Variants in PCDHA8 observed in about 807,000 individuals in gnomAD.
PCDHA8 encodes the protein protocadherin alpha-8.
A neutral mutation model predicts 61.8 loss-of-function variants in PCDHA8; 53 were observed. That is an observed-to-expected ratio of 0.86 (90% CI 0.69 to 1.08). The LOEUF (loss-of-function observed/expected upper bound fraction) is 1.08, where lower values mean the gene tolerates loss of function less well. Ranked by LOEUF, PCDHA8 falls within the 50% of genes least tolerant of loss-of-function variation. PCDHA8 has a pLI of 0.00. For missense variants in PCDHA8, 1,293 were observed against 1,245.0 expected (o/e 1.04, Z -0.58); for synonymous variants, 618 against 556.6 (o/e 1.11, Z -1.55).
chr5:140,980,360 G>A (rs1173525969), intron 2 of PCDHA8, among the ~76,000 whole-genome samples: 4 of 152,142 alleles, frequency 2.6e-5, no homozygotes, highest in Middle Eastern at 3.2e-3. Context: ...GACTGGGCGC[G>A]GTGGCTCACA....
chr5:140,966,575 A>C (rs2096022921), intron 1 of PCDHA8: 1 of 520,380 alleles, frequency 1.9e-6, no homozygotes, highest in Non-Finnish European at 3.2e-6. Context: ...ATGGGGAGTC[A>C]GCGAGGACGG....
intron 1 of PCDHA8, chr5:140,929,130 A>C (rs1554206719): frequency 1.2e-6 from 2 of 1,614,168 alleles, no homozygotes; most frequent in Non-Finnish European, 1.7e-6. Flanking sequence ...ATGTCACTAC[A>C]GTTGAGAGAC....
At chr5:141,004,080 A>G (rs1554259443) in intron 3 of PCDHA8, among the ~76,000 whole-genome samples, 1 of 152,198 alleles carries the variant, frequency 6.6e-6, no homozygotes, top group Non-Finnish European at 1.5e-5. Context: ...TAGGGGTAGA[A>G]ATGTGCTTCT....
chr5:140,927,225 G>A, intron 1 of PCDHA8: 2 of 1,614,112 alleles, frequency 1.2e-6, no homozygotes, highest in South Asian at 2.2e-5. Context: ...ACAAGATTCG[G>A]ATTCACGTCC....
At position 140,842,418 on chromosome 5, in the gene PCDHA8, G is replaced by A. The variant is rs2150335492; in HGVS notation, c.1097G>A (p.Gly366Asp). The A allele has an allele frequency of 1.9e-5, 31 of 1,613,276 alleles. No individual in the cohort carries two copies. In the South Asian group the frequency reaches 2.9e-4, roughly 15 times the overall value. The change falls in exon 1 of 4, where the codon GGT becomes GAT. Residue 366 changes from glycine to aspartate, a missense_variant. Coordinates refer to ENST00000531613, the MANE Select transcript of PCDHA8 (RefSeq NM_018911.3). ...SLPVREDAQF[G>D]TVIALISVND... is the part of the protein sequence containing the mutation. ...CCTGTACGTGAAGACGCTCAATTTG[G>A]TACTGTCATCGCCCTAATTAGCGTG...
At chr5:141,001,303 A>G (rs2098006866) in intron 3 of PCDHA8, among the ~76,000 whole-genome samples, 2 of 152,182 alleles carry the variant, frequency 1.3e-5, no homozygotes, top group Admixed American at 1.3e-4. Context: ...GCCCAGAGAT[A>G]TGAAATAATT....
rs115890668 is a variant in PCDHA8 at position 140,925,958 on chromosome 5, A to G, written c.2395-52991A>G. Among the ~76,000 whole-genome samples, 1,223 of 152,250 alleles carry G rather than the reference A, an allele frequency of 8.0e-3. 5 individuals carry two copies. The highest frequency in any genetic ancestry group is 0.019 in the African/African-American group (788 of 41,548). On this transcript the variant is annotated intron_variant, in intron 1 of 3. Coordinates refer to ENST00000531613, the MANE Select transcript of PCDHA8 (RefSeq NM_018911.3). ...GCCTCTTGGAGAAGGAGAAACTGCT[A>G]TCACGCAAAAAAAAAGCCTTGAGCT... is the stretch of plus-strand genomic sequence containing the variant.
At chr5:140,986,031 G>A (rs1443664535) in intron 3 of PCDHA8, among the ~76,000 whole-genome samples, 5 of 152,198 alleles carry the variant, frequency 3.3e-5, no homozygotes, top group South Asian at 2.1e-4. Flanking sequence ...GAGCCACTGC[G>A]CCTGGCCTCA....
chr5:140,876,259 C>T (rs1554168431), intron 1 of PCDHA8: 7 of 1,613,952 alleles, frequency 4.3e-6, no homozygotes, highest in South Asian at 1.1e-5. Flanking sequence ...AAGAGTGATC[C>T]AACTAAATGC....
intron 1 of PCDHA8, among the ~76,000 whole-genome samples, chr5:140,939,880 G>T (rs2092484713): frequency 6.6e-6 from 1 of 152,140 alleles, no homozygotes; most frequent in African/African-American, 2.4e-5. Context: ...TTTGCTAGTT[G>T]TGTTGTTCAA....
intron 1 of PCDHA8, among the ~76,000 whole-genome samples, chr5:140,844,874 A>G (rs1300687011): frequency 6.7e-6 from 1 of 149,392 alleles, no homozygotes; most frequent in Non-Finnish European, 1.5e-5. Context: ...TTAAATACCC[A>G]TTAGACTTCG....
At chr5:141,003,913 T>C (rs1554259375) in intron 3 of PCDHA8, among the ~76,000 whole-genome samples, 1 of 152,206 alleles carries the variant, frequency 6.6e-6, no homozygotes, top group African/African-American at 2.4e-5. Flanking sequence ...GGGTCTTGAC[T>C]GCATCCTCAG....
intron 1 of PCDHA8, chr5:140,927,454 G>A: frequency 6.2e-7 from 1 of 1,614,182 alleles, no homozygotes; most frequent in Non-Finnish European, 8.5e-7. Flanking sequence ...GTTGGTGTTG[G>A]AGAAAGCACT....
intron 3 of PCDHA8, among the ~76,000 whole-genome samples, chr5:140,985,216 C>G (rs1009954667): frequency 1.3e-5 from 2 of 152,186 alleles, no homozygotes; most frequent in Non-Finnish European, 2.9e-5. Flanking sequence ...GGATTACAGG[C>G]GTGAGCCACC....
intron 1 of PCDHA8, chr5:140,881,278 T>G: frequency 5.4e-6 from 4 of 743,002 alleles, no homozygotes; most frequent in Non-Finnish European, 6.6e-6. Flanking sequence ...TGAAGTAAGA[T>G]GGAGAGAGAA....
chr5:140,995,901 A>C (rs2097702550), intron 3 of PCDHA8, among the ~76,000 whole-genome samples: 3 of 152,212 alleles, frequency 2.0e-5, no homozygotes, highest in Non-Finnish European at 1.5e-5. Flanking sequence ...CAATGTATAA[A>C]AGAGGAGAGA....
intron 1 of PCDHA8, chr5:140,857,828 C>A (rs781917564): frequency 2.5e-6 from 4 of 1,597,660 alleles, no homozygotes; most frequent in African/African-American, 1.3e-5. Flanking sequence ...GGCTAAGGTG[C>A]GCGCAGTGGA....
intron 1 of PCDHA8, among the ~76,000 whole-genome samples, chr5:140,920,648 A>G (rs1465559942): frequency 1.3e-5 from 2 of 152,148 alleles, no homozygotes; most frequent in Non-Finnish European, 2.9e-5. Flanking sequence ...GATTGAGACC[A>G]TCCTTGCCAA....
intron 1 of PCDHA8, chr5:140,857,046 G>A: frequency 6.3e-7 from 1 of 1,595,842 alleles, no homozygotes; most frequent in African/African-American, 1.3e-5. Context: ...GTTGGTCACT[G>A]CACGGTCCTA....
Sources: gnomAD v4.1 joint callset for allele counts (sites outside exome capture counted in the v4.1 genomes callset) on GRCh38, gnomAD v4.1.1 for gene constraint, MANE v1.5 for transcripts, NCBI Gene and HGNC (gene_info 2026-07-23, HGNC 2026-07-21) for gene names.